The following CYTH1 variants were observed in gnomAD, a reference collection of about 807,000 sequenced individuals.
CYTH1 encodes the protein cytohesin-1.
A neutral mutation model predicts 61.8 loss-of-function variants in CYTH1; 18 were observed. That is an observed-to-expected ratio of 0.29 (90% confidence interval 0.20 to 0.43). The LOEUF (loss-of-function observed/expected upper bound fraction) is 0.43. Among genes scored for constraint, CYTH1 ranks in the 20% least tolerant of loss-of-function variants. The probability of loss-of-function intolerance (pLI) is 1.00; values close to 1 mark genes in which losing one functional copy is unlikely to be tolerated. For synonymous variants in CYTH1, 174 were observed against 184.3 expected, an observed-to-expected ratio of 0.94 and a Z score of 0.45; for missense variants, 336 against 510.5, an observed-to-expected ratio of 0.66 and a Z score of 3.29.
intron 1 of CYTH1, among the ~76,000 whole-genome samples, chr17:78,779,267 G>A (rs933158756): frequency 1.3e-5 from 2 of 152,050 alleles, no homozygotes; most frequent in Admixed American, 1.3e-4. Flanking sequence ...AGGCGTGGTG[G>A]CGCATGCCTG....
intron 1 of CYTH1, among the ~76,000 whole-genome samples, chr17:78,725,194 G>A (rs960821029): frequency 5.3e-5 from 8 of 152,078 alleles, no homozygotes; most frequent in East Asian, 1.9e-4. Context: ...CTCACCATCC[G>A]CCATCCGTCG....
intron 13 of CYTH1, chr17:78,677,370 C>T (rs967447166): frequency 2.7e-5 from 6 of 223,378 alleles, no homozygotes; most frequent in Admixed American, 5.6e-5. Flanking sequence ...GGGCTGCGGT[C>T]GGACACCAGG....
chr17:78,744,500 T>C (rs1022476557), intron 1 of CYTH1, among the ~76,000 whole-genome samples: 3 of 152,218 alleles, frequency 2.0e-5, no homozygotes, highest in Non-Finnish European at 4.4e-5. Flanking sequence ...AACAAAGACT[T>C]GTCCAGCCTC....
chr17:78,717,630 G>C lies in CYTH1; in HGVS notation c.23-7898C>G, dbSNP rs2093192737. Among the ~76,000 whole-genome samples, 1 of 152,124 alleles carries C rather than the reference G, an allele frequency of 6.6e-6. No homozygotes were observed. Among genetic ancestry groups the C allele is most frequent in the Non-Finnish European group, 1.5e-5 (1 of 68,040 alleles). Reference sequence around the variant, plus strand: ...TTCCAAGCCAGAGGACGATACATGAGCACACGGCGGGCTCTAGTCTAAAAT... The same window carrying C: ...TTCCAAGCCAGAGGACGATACATGACCACACGGCGGGCTCTAGTCTAAAAT... On this transcript the variant is annotated intron_variant, in intron 1 of 13. Transcript: ENST00000446868. This position sits in a 1 kb window ranked among gnomAD's most constrained non-coding sequence, Gnocchi z 4.4.
At chr17:78,740,355 C>T (rs2093337595) in intron 1 of CYTH1, among the ~76,000 whole-genome samples, 1 of 152,242 alleles carries the variant, frequency 6.6e-6, no homozygotes, top group Non-Finnish European at 1.5e-5. Flanking sequence ...GTCCCCTGCT[C>T]CTCCAGACCT....
chr17:78,693,961 T>C (rs1024904454), intron 10 of CYTH1, among the ~76,000 whole-genome samples: 2 of 152,206 alleles, frequency 1.3e-5, no homozygotes, highest in African/African-American at 4.8e-5. Flanking sequence ...TCATGGGGCA[T>C]AAATCTCATA....
intron 1 of CYTH1, among the ~76,000 whole-genome samples, chr17:78,731,755 C>CA (rs376349109): frequency 0.35 from 25,265 of 72,930 alleles, 3,317 homozygotes; most frequent in Middle Eastern, 0.44. Context: ...GACTCCGTCT[C>CA]AAAAAAAAAA....
intron 1 of CYTH1, among the ~76,000 whole-genome samples, chr17:78,738,525 G>C (rs2093329994): frequency 6.6e-6 from 1 of 152,102 alleles, no homozygotes; most frequent in Non-Finnish European, 1.5e-5. Flanking sequence ...GCTGTCTCCA[G>C]TCAGACTCTG....
At chr17:78,781,796 G>C (rs1304111158) in intron 1 of CYTH1, among the ~76,000 whole-genome samples, 1 of 151,756 alleles carries the variant, frequency 6.6e-6, no homozygotes, top group Non-Finnish European at 1.5e-5. Flanking sequence ...CCCGGGACCC[G>C]GACTGCGACC....
chr17:78,674,100 C>T lies in CYTH1; in HGVS notation c.*1991G>A, dbSNP rs966939538. The T allele has an allele frequency of 1.3e-5, 2 of 152,554 alleles. No individual in the cohort carries two copies. The highest frequency in any genetic ancestry group is 2.9e-5 in the Non-Finnish European group (2 of 68,028). 9.5% of individuals were successfully genotyped at this position (152,554 alleles called of 1,614,324 possible). A position where few individuals can be genotyped will look rare whatever the true frequency, so the allele number is the denominator to read the frequency against. ...GCTGCAGTTCCTTGGCGCTAGTTTA[C>T]AAGGCAAAAACAAACAAACAAAAAC... On this transcript the variant is annotated 3_prime_UTR_variant, in exon 14 of 14. Coordinates refer to ENST00000446868, the MANE Select transcript of CYTH1 (RefSeq NM_004762.6).
In CYTH1 at chr17:78,675,941, A is replaced by AGGG; in HGVS notation, c.*149_*150insCCC. On this transcript the variant is annotated 3_prime_UTR_variant, in exon 14 of 14. Coordinates refer to ENST00000446868, the MANE Select transcript of CYTH1 (RefSeq NM_004762.6). ...TAACTGCCCACCCTTCTCCCACTTA[A>AGGG]AAAAAATAGCAAAAGCTGAAGCTAG... The AGGG allele has an allele frequency of 6.5e-7, 1 of 1,547,332 alleles. No individual in the cohort carries two copies.
intron 1 of CYTH1, among the ~76,000 whole-genome samples, chr17:78,756,073 ATTTT>A (rs1169112425): frequency 1.4e-4 from 17 of 118,620 alleles, no homozygotes; most frequent in Non-Finnish European, 2.4e-4. Flanking sequence ...TTATTTATTT[ATTTT>A]TATTTTTTTT....
intron 11 of CYTH1, among the ~76,000 whole-genome samples, chr17:78,682,442 G>C (rs1205195535): frequency 6.6e-6 from 1 of 152,106 alleles, no homozygotes; most frequent in Non-Finnish European, 1.5e-5. Context: ...TTGATACTCG[G>C]TAAACTGCTT....
chr17:78,749,321 A>G (rs948932918), intron 1 of CYTH1, among the ~76,000 whole-genome samples: 2 of 152,128 alleles, frequency 1.3e-5, no homozygotes, highest in Non-Finnish European at 2.9e-5. Flanking sequence ...TTAGCCAGGC[A>G]TGGTGGTAGG....
chr17:78,739,228 T>G (rs2144630366), intron 1 of CYTH1, among the ~76,000 whole-genome samples: 1 of 152,328 alleles, frequency 6.6e-6, no homozygotes, highest in African/African-American at 2.4e-5. Context: ...TTTTAAAAAG[T>G]TTTTACAAAG....
chr17:78,727,617 C>T (rs754549860), intron 1 of CYTH1: 14 of 462,334 alleles, frequency 3.0e-5, no homozygotes, highest in South Asian at 1.4e-4. Context: ...CCTTCCAAGT[C>T]GCGGGAAGGT....
intron 11 of CYTH1, among the ~76,000 whole-genome samples, chr17:78,689,752 G>T (rs369816485): frequency 1.3e-5 from 2 of 152,076 alleles, no homozygotes; most frequent in Non-Finnish European, 2.9e-5. Flanking sequence ...TGTCTATAAC[G>T]GCTGCTTTTT....
intron 1 of CYTH1, among the ~76,000 whole-genome samples, chr17:78,725,535 C>T (rs568554360): frequency 1.1e-4 from 17 of 152,324 alleles, no homozygotes; most frequent in African/African-American, 3.6e-4. Flanking sequence ...CACATATACA[C>T]ATACACACTC....
intron 1 of CYTH1, among the ~76,000 whole-genome samples, chr17:78,754,707 G>T (rs145235344): frequency 6.6e-6 from 1 of 152,134 alleles, no homozygotes; most frequent in Admixed American, 6.6e-5. Flanking sequence ...GTTTGTGACT[G>T]AAGTTTTATG....
Sources: allele counts gnomAD v4.1 joint callset (sites outside exome capture counted in the v4.1 genomes callset), GRCh38; gene constraint gnomAD v4.1.1; non-coding constraint Gnocchi (gnomAD v3.1); transcripts MANE v1.5; gene names NCBI Gene and HGNC (gene_info 2026-07-23, HGNC 2026-07-21).